The following BTF3L4 variants were observed in gnomAD, a reference collection of about 807,000 sequenced individuals.
BTF3L4 encodes transcription factor BTF3 homolog 4.
Under a neutral mutation model 16.8 loss-of-function variants are expected in BTF3L4, and 6 were observed. The observed-to-expected ratio is 0.36, with a 90% CI of 0.20 to 0.71. The LOEUF is 0.71. Among genes scored for constraint, BTF3L4 ranks in the 30% least tolerant of loss-of-function variants. The probability of loss-of-function intolerance (pLI) is 0.58; values close to 1 mark genes in which losing one functional copy is unlikely to be tolerated. For synonymous variants in BTF3L4, 39 were observed against 59.8 expected (o/e 0.65, Z 1.60); for missense variants, 92 against 186.9 (o/e 0.49, Z 2.96).
intron 3 of BTF3L4, among the ~76,000 whole-genome samples, chr1:52,075,537 A>C (rs1037058938): frequency 1.4e-4 from 21 of 147,314 alleles, no homozygotes; most frequent in Non-Finnish European, 1.5e-4. Flanking sequence ...AAAAAAAAAA[A>C]ACCATATATA....
intron 3 of BTF3L4, among the ~76,000 whole-genome samples, chr1:52,077,957 T>TA (rs979112557): frequency 1.3e-5 from 2 of 152,206 alleles, no homozygotes; most frequent in Non-Finnish European, 2.9e-5. Context: ...AGGCTAAAGA[T>TA]ACAGCCCAGG....
chr1:52,083,681 A>C (rs934023050), intron 4 of BTF3L4, 140 bp downstream of exon 4: 5 of 704,086 alleles, frequency 7.1e-6, no homozygotes, highest in Non-Finnish European at 9.6e-6. Flanking sequence ...ATGCTTCATA[A>C]AATTTTGAGT....
At chr1:52,064,450 CAG>C (rs1180427196) in intron 2 of BTF3L4, among the ~76,000 whole-genome samples, 2 of 152,030 alleles carry the variant, frequency 1.3e-5, no homozygotes, top group Non-Finnish European at 2.9e-5. Flanking sequence ...AGACTACTGG[CAG>C]GGGGTGGTAG....
chr1:52,086,583 C>T, intron 5 of BTF3L4, 129 bp from the exon 6 acceptor site: 1 of 558,810 alleles, frequency 1.8e-6, no homozygotes, highest in Non-Finnish European at 3.2e-6. Context: ...ATTTCTGCCT[C>T]CTTATGTTTT....
chr1:52,061,263 T>G (rs1195918808), intron 2 of BTF3L4, among the ~76,000 whole-genome samples: 4 of 151,728 alleles, frequency 2.6e-5, no homozygotes, highest in Non-Finnish European at 4.4e-5. Context: ...CTGAGGTGGG[T>G]GGATCAGTTG....
At chr1:52,058,310 A>G (rs563103468) in intron 1 of BTF3L4, among the ~76,000 whole-genome samples, 1 of 152,360 alleles carries the variant, frequency 6.6e-6, no homozygotes, top group East Asian at 1.9e-4. Context: ...CATAAATTCT[A>G]AATATTATTT....
At chr1:52,058,806 G>A (rs1200194463) in intron 1 of BTF3L4, among the ~76,000 whole-genome samples, 1 of 152,126 alleles carries the variant, frequency 6.6e-6, no homozygotes, top group African/African-American at 2.4e-5. Flanking sequence ...CTCCATGTTG[G>A]TCAGGCTGGC....
chr1:52,072,688 C>G (rs1686819616), intron 3 of BTF3L4, among the ~76,000 whole-genome samples: 1 of 152,146 alleles, frequency 6.6e-6, no homozygotes. Context: ...AATAATATTC[C>G]ATTGTATGCG....
intron 2 of BTF3L4, among the ~76,000 whole-genome samples, chr1:52,062,833 G>A (rs1165506873): frequency 6.6e-6 from 1 of 152,204 alleles, no homozygotes; most frequent in Non-Finnish European, 1.5e-5. Flanking sequence ...CGGATGGGAG[G>A]ATGATGGTTT....
intron 1 of BTF3L4, 120 bp from the exon 2 acceptor site, chr1:52,059,715 A>T: frequency 3.0e-6 from 2 of 658,478 alleles, no homozygotes; most frequent in Non-Finnish European, 5.3e-6. Flanking sequence ...AGACAGTATT[A>T]ATATGGTCAT....
rs1045061425 is a variant in BTF3L4, at chr1:52,088,085, A to G, written c.*1327A>G. 1.8e-4 allele frequency: 28 copies of G among 152,746 alleles called. No homozygotes were observed. Among genetic ancestry groups the G allele is most frequent in the African/African-American group, 6.3e-4 (26 of 41,580 alleles). 9.5% of individuals were successfully genotyped at this position (152,746 alleles called of 1,614,324 possible). On this transcript the variant is annotated 3_prime_UTR_variant, in exon 6 of 6. Transcript: ENST00000313334. Reference sequence around the variant, plus strand: ...GTCTAATAGAAGCTTACTTTTTGCTATATCAGCATTTGTTACAGCCAATAT... The same window carrying G: ...GTCTAATAGAAGCTTACTTTTTGCTGTATCAGCATTTGTTACAGCCAATAT...
chr1:52,079,546 A>G (rs1230881937), intron 3 of BTF3L4, among the ~76,000 whole-genome samples: 3 of 152,156 alleles, frequency 2.0e-5, no homozygotes, highest in Non-Finnish European at 4.4e-5. Context: ...AAATTTATTT[A>G]TGTTTCACAA....
At chr1:52,078,244 G>C (rs1248858639) in intron 3 of BTF3L4, among the ~76,000 whole-genome samples, 1 of 27,318 alleles carries the variant, frequency 3.7e-5, no homozygotes. Flanking sequence ...TTTTTTTTTT[G>C]GTAGTGATGG....
At chr1:52,071,528 T>C (rs891630864) in intron 3 of BTF3L4, among the ~76,000 whole-genome samples, 1 of 152,230 alleles carries the variant, frequency 6.6e-6, no homozygotes, top group Non-Finnish European at 1.5e-5. Context: ...TGATTCTCTG[T>C]GATGAGTTTG....
chr1:52,082,738 CAA>C (rs35173948), intron 3 of BTF3L4, among the ~76,000 whole-genome samples: 9,076 of 140,902 alleles, frequency 0.064, 285 homozygotes, highest in African/African-American at 0.089. Flanking sequence ...GATTCTGTCT[CAA>C]AAAAAAAAAA....
chr1:52,077,275 C>T (rs72907840), intron 3 of BTF3L4, among the ~76,000 whole-genome samples: 1,581 of 152,362 alleles, frequency 0.01, 25 homozygotes, highest in African/African-American at 0.035. Context: ...GGCGCGGTAG[C>T]TCCTACCTGT....
At chr1:52,078,550 A>G (rs1441896716) in intron 3 of BTF3L4, among the ~76,000 whole-genome samples, 2 of 151,986 alleles carry the variant, frequency 1.3e-5, no homozygotes, top group Admixed American at 1.3e-4. Context: ...AATTCTGTAT[A>G]ATAGCAGTAA....
rs1251188732 is a variant in BTF3L4, at chr1:52,087,941, T to G, written c.*1183T>G. 2 of 152,592 alleles carry G rather than the reference T, an allele frequency of 1.3e-5. No homozygotes were observed. The highest frequency in any genetic ancestry group is 2.9e-5 in the Non-Finnish European group (2 of 68,018). The allele number at this position is 152,592 out of a possible 1,614,324, so 9.5% of individuals were successfully genotyped here. A position where few individuals can be genotyped will look rare whatever the true frequency, so the allele number is the denominator to read the frequency against. The stretch of plus-strand genomic sequence containing the variant: ...ATTGTAGCTGCTCACTATACCCTCC[T>G]GCATGCTTAGAATAATGCTTTGAGG... On this transcript the variant is annotated 3_prime_UTR_variant, in exon 6 of 6. Coordinates refer to ENST00000313334, the MANE Select transcript of BTF3L4 (RefSeq NM_152265.5).
In BTF3L4 at chr1:52,077,471, A is replaced by G. The variant is rs141770294; in HGVS notation, c.169-5869A>G. Among the ~76,000 whole-genome samples the G allele has an allele frequency of 1.2e-4, 19 of 152,242 alleles. No homozygotes were observed. In the East Asian group the frequency reaches 3.5e-3, roughly 28 times the overall value. On this transcript the variant is annotated intron_variant, in intron 3 of 5. Coordinates refer to ENST00000313334, the MANE Select transcript of BTF3L4 (RefSeq NM_152265.5). ...GCAGTGGAATCACTTGAACTCGGGA[A>G]GCAGATGTTGCAGTGAGCAGAGGTT...
Sources: gnomAD v4.1 joint callset for allele counts (sites outside exome capture counted in the v4.1 genomes callset) on GRCh38, gnomAD v4.1.1 for gene constraint, MANE v1.5 for transcripts, NCBI Gene and HGNC (gene_info 2026-07-23, HGNC 2026-07-21) for gene names.